Variants in PTPRQ observed in about 807,000 individuals in gnomAD.
PTPRQ encodes phosphatidylinositol phosphatase PTPRQ.
PTPRQ carries 199 observed loss-of-function variants against 246.0 expected under a neutral mutation model. That is an observed-to-expected ratio of 0.81 (90% CI 0.72 to 0.91). The LOEUF (loss-of-function observed/expected upper bound fraction) is 0.91, where lower values mean the gene tolerates loss of function less well. Ranked by LOEUF, PTPRQ falls within the 40% of genes least tolerant of loss-of-function variation. The pLI, the probability that PTPRQ is intolerant of heterozygous loss-of-function variation, is 0.00. For synonymous variants in PTPRQ, 869 were observed against 853.2 expected (o/e 1.02, Z -0.32); for missense variants, 2,624 against 2,528.4 (o/e 1.04, Z -0.81).
At chr12:80,674,276 G>A (rs1298930302) in intron 43 of PTPRQ, among the ~76,000 whole-genome samples, 1 of 152,080 alleles carries the variant, frequency 6.6e-6, no homozygotes, top group East Asian at 1.9e-4. Context: ...TGGTATCAAA[G>A]TAGTTAAACA....
chr12:80,574,594 G>C (rs1017227571), intron 25 of PTPRQ, among the ~76,000 whole-genome samples: 2 of 151,582 alleles, frequency 1.3e-5, no homozygotes, highest in South Asian at 4.2e-4. Context: ...ATTATTTTTC[G>C]TGGCTTCTCA....
intron 19 of PTPRQ, among the ~76,000 whole-genome samples, chr12:80,536,489 T>C (rs1643167364): frequency 6.6e-6 from 1 of 152,084 alleles, no homozygotes; most frequent in Non-Finnish European, 1.5e-5. Context: ...TCTATAAGAG[T>C]AGGGTTGTAT....
intron 14 of PTPRQ, among the ~76,000 whole-genome samples, chr12:80,500,196 G>A (rs1251929399): frequency 6.6e-6 from 1 of 151,898 alleles, no homozygotes; most frequent in Non-Finnish European, 1.5e-5. Flanking sequence ...CATGGACTAT[G>A]TATTTTTTCT....
chr12:80,580,105 G>A (rs1433711433), intron 25 of PTPRQ, among the ~76,000 whole-genome samples: 1 of 152,116 alleles, frequency 6.6e-6, no homozygotes, highest in Non-Finnish European at 1.5e-5. Flanking sequence ...ATATTCAGAA[G>A]TTTATAGAAT....
intron 14 of PTPRQ, among the ~76,000 whole-genome samples, chr12:80,501,451 G>A (rs1266274811): frequency 6.6e-6 from 1 of 151,890 alleles, no homozygotes; most frequent in Non-Finnish European, 1.5e-5. Context: ...AGTTCTGTTT[G>A]CAACATGTTT....
rs56788434 is a variant in PTPRQ at position 80,669,476 on chromosome 12, AG to A, written c.6453+19del. 51 of 1,531,938 alleles carry A rather than the reference AG, an allele frequency of 3.3e-5. No individual in the cohort carries two copies. The highest frequency in any genetic ancestry group is 4.0e-5 in the Non-Finnish European group (46 of 1,140,020). The allele number at this position is 1,531,938 out of a possible 1,614,324, so 94.9% of individuals were successfully genotyped here. ...TGAAAATTGAAAGGGTAAAAAAAAA[AG>A]GGGGGGACGAGAGAACATGATATAA... On this transcript the variant is annotated intron_variant, in intron 41 of 44. Coordinates refer to ENST00000644991, the MANE Select transcript of PTPRQ (RefSeq NM_001145026.2).
At chr12:80,595,635 T>C (rs1478911731) in intron 26 of PTPRQ, among the ~76,000 whole-genome samples, 1 of 151,902 alleles carries the variant, frequency 6.6e-6, no homozygotes, top group Non-Finnish European at 1.5e-5. Context: ...TACATATGTA[T>C]ACATGTGCCA....
chr12:80,629,298 C>A (rs1158430472), intron 33 of PTPRQ, among the ~76,000 whole-genome samples: 1 of 152,122 alleles, frequency 6.6e-6, no homozygotes, highest in African/African-American at 2.4e-5. Context: ...TCCTTTCTTA[C>A]TCCAAATACA....
Position 80,495,380 on chromosome 12 carries a change from C to G in PTPRQ, c.1882+9C>G. 14 of 1,428,842 alleles carry G rather than the reference C, an allele frequency of 9.8e-6. No individual in the cohort carries two copies. Among genetic ancestry groups the G allele is most frequent in the Non-Finnish European group, 1.3e-5 (14 of 1,094,964 alleles). 88.5% of individuals were successfully genotyped at this position (1,428,842 alleles called of 1,614,324 possible). A position where few individuals can be genotyped will look rare whatever the true frequency, so the allele number is the denominator to read the frequency against. ...CAGCTTTCTCATAACAGGTAGAAAA[C>G]AATGTTTTGTTGTTGTTGTTGTTGT... On this transcript the variant is annotated intron_variant, in intron 12 of 44. Coordinates refer to ENST00000644991, the MANE Select transcript of PTPRQ (RefSeq NM_001145026.2).
rs755745017 is a variant in PTPRQ, at chr12:80,542,259, T to G, written c.3616T>G (p.Leu1206Val). 8.2e-5 allele frequency: 127 copies of G among 1,550,640 alleles called. No homozygotes were observed. The Admixed American group carries it at 8.2e-4, about 10-fold the overall frequency. ...CATTACTTCTGATAATTACATAATA[T>G]TGGAAGAGCTTTCACCATTTACATT... ...SFITSDNYIILEELSPFTLYS... is the reference protein window; with the variant it reads ...SFITSDNYIIVEELSPFTLYS... Residue 1206 changes from leucine to valine, a missense_variant, in exon 22 of 45, where the codon TTG (leucine) becomes GTG (valine). By Grantham distance (32) the Leu-to-Val change is conservative (BLOSUM62 1). Coordinates refer to ENST00000644991, the MANE Select transcript of PTPRQ (RefSeq NM_001145026.2).
intron 36 of PTPRQ, among the ~76,000 whole-genome samples, chr12:80,649,304 C>A (rs944465415): frequency 2.0e-5 from 3 of 152,028 alleles, no homozygotes; most frequent in Non-Finnish European, 4.4e-5. Context: ...TAACTTCATG[C>A]CCTTACATTT....
At chr12:80,504,574 G>A (rs1592591774) in intron 14 of PTPRQ, among the ~76,000 whole-genome samples, 5 of 151,680 alleles carry the variant, frequency 3.3e-5, no homozygotes, top group African/African-American at 2.4e-5. Flanking sequence ...TGTGTTTAGC[G>A]ATTTTATCAG....
chr12:80,515,913 G>C (rs1398527603), intron 17 of PTPRQ, among the ~76,000 whole-genome samples: 2 of 151,918 alleles, frequency 1.3e-5, no homozygotes, highest in Non-Finnish European at 2.9e-5. Context: ...ATTTGTAGAT[G>C]GTATGTTCAG....
At chr12:80,678,535 A>AAT (rs1212752691) in intron 43 of PTPRQ, 67 bp from the exon 44 acceptor site, 2 of 1,446,404 alleles carry the variant, frequency 1.4e-6, no homozygotes, top group East Asian at 5.2e-5. Context: ...TAGCTTTAAC[A>AAT]ATATAACTCC....
intron 33 of PTPRQ, among the ~76,000 whole-genome samples, chr12:80,627,674 A>G (rs1899257985): frequency 6.6e-6 from 1 of 152,122 alleles, no homozygotes. Context: ...TAGTAGTACA[A>G]TTTATTATGT....
chr12:80,576,141 G>A (rs1897274308), intron 25 of PTPRQ, among the ~76,000 whole-genome samples: 1 of 151,990 alleles, frequency 6.6e-6, no homozygotes, highest in South Asian at 2.1e-4. Context: ...TACAGCCACA[G>A]GTTTTTTTTT....
At chr12:80,473,073 A>G (rs1386259979) in intron 8 of PTPRQ, among the ~76,000 whole-genome samples, 2 of 151,772 alleles carry the variant, frequency 1.3e-5, no homozygotes, top group Non-Finnish European at 2.9e-5. Context: ...ACACACACAC[A>G]CACAGGTCAT....
intron 39 of PTPRQ, among the ~76,000 whole-genome samples, chr12:80,663,184 C>T (rs1900684931): frequency 6.6e-6 from 1 of 151,436 alleles, no homozygotes; most frequent in Non-Finnish European, 1.5e-5. Flanking sequence ...TATTTCAAAT[C>T]CTGGAAAACT....
At chr12:80,538,445 C>T (rs1252995108) in intron 19 of PTPRQ, among the ~76,000 whole-genome samples, 4 of 152,080 alleles carry the variant, frequency 2.6e-5, no homozygotes, top group African/African-American at 9.7e-5. Context: ...AAATTTACAT[C>T]AAAAAGCTAT....
Sources: gnomAD v4.1 joint callset for allele counts (sites outside exome capture counted in the v4.1 genomes callset) on GRCh38, gnomAD v4.1.1 for gene constraint, MANE v1.5 for transcripts, NCBI Gene and HGNC (gene_info 2026-07-23, HGNC 2026-07-21) for gene names.